The following ATAD2B variants were observed in gnomAD, a reference collection of about 807,000 sequenced individuals.
The protein encoded by ATAD2B is ATPase family AAA domain-containing protein 2B.
Under a neutral mutation model 167.6 loss-of-function variants are expected in ATAD2B, and 40 were observed. The ratio of observed to expected loss-of-function variants is 0.24; its 90% confidence interval spans 0.19 to 0.31. The LOEUF (loss-of-function observed/expected upper bound fraction) is 0.31. Ranked by LOEUF, ATAD2B falls within the 10% of genes least tolerant of loss-of-function variation. ATAD2B has a pLI of 1.00. For missense variants in ATAD2B, 1,242 were observed against 1,757.2 expected (o/e 0.71, Z 5.24); for synonymous variants, 579 against 596.5 (o/e 0.97, Z 0.43).
At chr2:23,733,702 A>G in the ATAD2B span, among the ~76,000 whole-genome samples, 1 of 152,074 alleles carries the variant, frequency 6.6e-6, no homozygotes, top group Non-Finnish European at 1.5e-5. Flanking sequence ...GAGCAATTCC[A>G]GGCCCCTTCT....
chr2:23,841,541 G>A (rs1256335657), intron 13 of ATAD2B, among the ~76,000 whole-genome samples: 2 of 151,912 alleles, frequency 1.3e-5, no homozygotes, highest in Non-Finnish European at 1.5e-5. Flanking sequence ...GGAGGGATGG[G>A]GTCTCACTCT....
At chr2:23,688,634 T>C in the ATAD2B span, among the ~76,000 whole-genome samples, 1 of 151,288 alleles carries the variant, frequency 6.6e-6, no homozygotes, top group Non-Finnish European at 1.5e-5. Context: ...CAGGAAGCTC[T>C]GGTCTTCTGA....
the ATAD2B span, chr2:23,684,458 G>A: frequency 6.4e-7 from 1 of 1,550,896 alleles, no homozygotes; most frequent in Non-Finnish European, 8.7e-7. This position sits in a 1 kb window ranked among gnomAD's most constrained non-coding sequence, Gnocchi z 4.4. Flanking sequence ...CCTGAAAATT[G>A]TTGTTGAAGG....
intron 15 of ATAD2B, among the ~76,000 whole-genome samples, chr2:23,823,855 T>G (rs1687835461): frequency 6.6e-6 from 1 of 151,954 alleles, no homozygotes; most frequent in Non-Finnish European, 1.5e-5. Context: ...ATCTTAAATA[T>G]GTCCTTGATA....
At chr2:23,807,950 A>AATATTTATAATATATATATTATAAAT (rs1558568895) in intron 18 of ATAD2B, among the ~76,000 whole-genome samples, 1 of 112,088 alleles carries the variant, frequency 8.9e-6, no homozygotes, top group Non-Finnish European at 1.9e-5. Flanking sequence ...TAAATATATA[A>AATATTTATAATATATATATTATAAAT]ATATTTATAA....
chr2:23,781,018 T>C (rs1679948648), intron 22 of ATAD2B, among the ~76,000 whole-genome samples: 2 of 152,130 alleles, frequency 1.3e-5, no homozygotes, highest in East Asian at 1.9e-4. Flanking sequence ...ATCAAATAAA[T>C]AGAATTCTCA....
chr2:23,925,474 C>T (rs1055116991), intron 1 of ATAD2B, among the ~76,000 whole-genome samples: 1 of 152,146 alleles, frequency 6.6e-6, no homozygotes, highest in African/African-American at 2.4e-5. Flanking sequence ...TTGCTTTCCC[C>T]CAATAAGAAC....
chr2:23,795,437 C>T lies in ATAD2B; in HGVS notation c.2640+2701G>A, dbSNP rs182563496. Among the ~76,000 whole-genome samples the T allele has an allele frequency of 3.3e-5, 5 of 152,186 alleles. No homozygotes were observed. The East Asian group carries it at 9.6e-4, about 29-fold the overall frequency. On this transcript the variant is annotated intron_variant, in intron 19 of 27. Coordinates refer to ENST00000238789, the MANE Select transcript of ATAD2B (RefSeq NM_017552.4). ...TCCTCTGAGAATTGGTTTTGTACTG[C>T]CCACTCTCTACTTCATTTCTTCCAT...
the ATAD2B span, chr2:23,684,608 C>G: frequency 1.4e-6 from 2 of 1,385,134 alleles, no homozygotes; most frequent in South Asian, 3.0e-5. The surrounding 1 kb of genome is among the most constrained non-coding windows in gnomAD (Gnocchi z 4.4). Context: ...TTTCTCTTCC[C>G]CTCTCTTGCA....
intron 1 of ATAD2B, among the ~76,000 whole-genome samples, chr2:23,915,650 G>T (rs551129711): frequency 3.9e-5 from 5 of 128,748 alleles, no homozygotes; most frequent in Admixed American, 2.0e-4. Context: ...AGAGTACAGT[G>T]GCGCGATCTC....
At chr2:23,684,616 G>A in the ATAD2B span, 1 of 1,325,934 alleles carries the variant, frequency 7.5e-7, no homozygotes, top group African/African-American at 1.5e-5. The surrounding 1 kb of genome is among the most constrained non-coding windows in gnomAD (Gnocchi z 4.4). Context: ...CCCCTCTCTT[G>A]CAGGTTCCTG....
intron 21 of ATAD2B, among the ~76,000 whole-genome samples, chr2:23,785,474 A>T (rs2149401861): frequency 6.6e-6 from 1 of 152,262 alleles, no homozygotes; most frequent in African/African-American, 2.4e-5. Context: ...AATAATACAC[A>T]TATAAAGTGA....
At chr2:23,682,406 G>A in the ATAD2B span, among the ~76,000 whole-genome samples, 115 of 152,252 alleles carry the variant, frequency 7.6e-4, no homozygotes, top group Admixed American at 1.8e-3. This position sits in a 1 kb window ranked among gnomAD's most constrained non-coding sequence, Gnocchi z 4.1. Context: ...GTCTGGCTTC[G>A]AGGCTCAACT....
At chr2:23,731,140 T>C in the ATAD2B span, among the ~76,000 whole-genome samples, 3 of 152,194 alleles carry the variant, frequency 2.0e-5, no homozygotes, top group African/African-American at 7.2e-5. Context: ...ACATCAAATA[T>C]ATTTAAATCT....
At chr2:23,689,918 C>T in the ATAD2B span, 6 of 152,294 alleles carry the variant, frequency 3.9e-5, no homozygotes, top group African/African-American at 1.4e-4. Flanking sequence ...CTTTAGAAGT[C>T]ACTCTGTGTT....
the ATAD2B span, among the ~76,000 whole-genome samples, chr2:23,714,280 C>T: frequency 6.7e-6 from 1 of 149,024 alleles, no homozygotes; most frequent in African/African-American, 2.5e-5. Flanking sequence ...TGCTCTGTTG[C>T]CTAGACTGGA....
chr2:23,722,962 C>T, the ATAD2B span, among the ~76,000 whole-genome samples: 5 of 152,086 alleles, frequency 3.3e-5, no homozygotes, highest in Non-Finnish European at 7.4e-5. Flanking sequence ...GAACTGGAAA[C>T]ATCTTAACAG....
the ATAD2B span, chr2:23,690,326 C>G: frequency 6.6e-6 from 1 of 152,204 alleles, no homozygotes; most frequent in Admixed American, 6.5e-5. Flanking sequence ...GCTGAGGGCC[C>G]GGGAGACCAA....
chr2:23,788,331 A>C, intron 20 of ATAD2B, 181 bp downstream of exon 20: 1 of 636,112 alleles, frequency 1.6e-6, no homozygotes, highest in Non-Finnish European at 2.7e-6. Flanking sequence ...TAACAAGGCT[A>C]TACTTCCCAA....
Sources: allele counts gnomAD v4.1 joint callset (sites outside exome capture counted in the v4.1 genomes callset), GRCh38; gene constraint gnomAD v4.1.1; non-coding constraint Gnocchi (gnomAD v3.1); transcripts MANE v1.5; gene names NCBI Gene and HGNC (gene_info 2026-07-23, HGNC 2026-07-21).